CMC1: variants seen among roughly 807,000 people sequenced by gnomAD.
The protein encoded by CMC1 is C-X9-C motif containing 1.
In CMC1, 14 loss-of-function variants were observed where a neutral mutation model predicts 14.1. The ratio of observed to expected loss-of-function variants is 0.99; its 90% CI spans 0.66 to 1.55. The LOEUF (loss-of-function observed/expected upper bound fraction) is 1.55. Ranked by LOEUF, CMC1 falls within the 40% of genes most tolerant of loss-of-function variation. CMC1 has a pLI of 0.00. For missense variants in CMC1, 127 were observed against 123.8 expected (o/e 1.03, Z -0.12); for synonymous variants, 50 against 38.4 (o/e 1.30, Z -1.12).
chr3:28,323,831 T>C lies in CMC1; in HGVS notation c.*4202T>C, dbSNP rs1577116524. 2.2e-6 allele frequency: 1 copy of C among 444,814 alleles called. No homozygotes were observed. Among genetic ancestry groups the C allele is most frequent in the East Asian group, 3.3e-5 (1 of 30,666 alleles). The allele number at this position is 444,814 out of a possible 1,614,324, so 27.6% of individuals were successfully genotyped here. The stretch of plus-strand genomic sequence containing the variant: ...AATTAGTATAGTAGCATATTTCAGA[T>C]TCTTAGAATATGGAGCTAGAGGGTG... On this transcript the variant is annotated 3_prime_UTR_variant, in exon 4 of 4. Transcript: ENST00000466830.
intron 1 of CMC1, among the ~76,000 whole-genome samples, chr3:28,257,796 C>T (rs62250535): frequency 0.067 from 10,227 of 151,996 alleles, 470 homozygotes; most frequent in African/African-American, 0.12. Flanking sequence ...GGACTACAGG[C>T]GTGAGTGAGC....
chr3:28,286,687 A>C (rs1300118753), intron 2 of CMC1, among the ~76,000 whole-genome samples: 1 of 152,186 alleles, frequency 6.6e-6, no homozygotes, highest in South Asian at 2.1e-4. Context: ...TTTGTATTAG[A>C]GGAAAAGTTC....
rs1703282344 is a variant in CMC1, at chr3:28,324,010, T to C, written c.*4381T>C. On this transcript the variant is annotated 3_prime_UTR_variant, in exon 4 of 4. Transcript: ENST00000466830. Reference sequence around the variant, plus strand: ...GGAGGACCACTGAAAGAGATAAGTGTCCTCATGGTGAAATCGTGAATCTCT... The same window carrying C: ...GGAGGACCACTGAAAGAGATAAGTGCCCTCATGGTGAAATCGTGAATCTCT... 6.4e-7 allele frequency: 1 copy of C among 1,561,054 alleles called. No homozygotes were observed. Among genetic ancestry groups the C allele is most frequent in the Non-Finnish European group, 8.7e-7 (1 of 1,146,086 alleles).
At chr3:28,276,349 A>G (rs758738920) in intron 2 of CMC1, among the ~76,000 whole-genome samples, 8 of 152,186 alleles carry the variant, frequency 5.3e-5, no homozygotes, top group Non-Finnish European at 7.4e-5. Flanking sequence ...CTCATCTTTC[A>G]AGGTATAATT....
In CMC1 at chr3:28,278,751, A is replaced by T. The variant is rs77923815; in HGVS notation, c.109+15371A>T. ...TAAATTACCTATTCGGTATCAACTG[A>T]CTTGTTAATATAGCAGGACCATTAT... On this transcript the variant is annotated intron_variant, in intron 2 of 3. Coordinates refer to ENST00000466830, the MANE Select transcript of CMC1 (RefSeq NM_182523.2). Among the ~76,000 whole-genome samples, 1,444 of 152,334 alleles carry T rather than the reference A, an allele frequency of 9.5e-3. 22 individuals carry two copies. Among genetic ancestry groups the T allele is most frequent in the African/African-American group, 0.033 (1,375 of 41,582 alleles).
intron 1 of CMC1, among the ~76,000 whole-genome samples, chr3:28,244,460 G>T (rs1413437394): frequency 6.6e-6 from 1 of 152,212 alleles, no homozygotes; most frequent in African/African-American, 2.4e-5. Flanking sequence ...GGGCACCGTG[G>T]CTCATGCCCT....
chr3:28,274,212 G>GTTTTTTTTTT (rs376321066), intron 2 of CMC1, among the ~76,000 whole-genome samples: 1,610 of 87,386 alleles, frequency 0.018, 91 homozygotes, highest in Non-Finnish European at 0.025. Context: ...AAGTGTTTTT[G>GTTTTTTTTTT]TTTTTTTCTT....
chr3:28,251,847 A>G (rs1340057426), intron 1 of CMC1, among the ~76,000 whole-genome samples: 1 of 152,188 alleles, frequency 6.6e-6, no homozygotes, highest in Non-Finnish European at 1.5e-5. Context: ...AAATCAGGCA[A>G]TGTATTGCTA....
chr3:28,316,202 T>TA, intron 2 of CMC1, 131 bp from the exon 3 acceptor site: 1 of 541,034 alleles, frequency 1.8e-6, no homozygotes, highest in South Asian at 2.7e-5. Flanking sequence ...CAGTGAGCTA[T>TA]AATCATGCCA....
chr3:28,309,060 T>C (rs1702488957), intron 2 of CMC1, among the ~76,000 whole-genome samples: 1 of 151,958 alleles, frequency 6.6e-6, no homozygotes, highest in South Asian at 2.1e-4. Context: ...ATACTGAGGG[T>C]CAAATGCTTG....
intron 2 of CMC1, among the ~76,000 whole-genome samples, chr3:28,310,563 T>C (rs1702586743): frequency 6.6e-6 from 1 of 152,262 alleles, no homozygotes; most frequent in South Asian, 2.1e-4. Context: ...TTTTTCTTTT[T>C]CGTTCTACTT....
intron 2 of CMC1, among the ~76,000 whole-genome samples, chr3:28,305,704 T>C (rs1044613716): frequency 2.0e-5 from 3 of 151,998 alleles, no homozygotes; most frequent in Admixed American, 1.3e-4. Flanking sequence ...AATCTTCTTT[T>C]TGTTTCATTT....
chr3:28,255,616 A>C (rs1699359033), intron 1 of CMC1, among the ~76,000 whole-genome samples: 1 of 151,996 alleles, frequency 6.6e-6, no homozygotes, highest in Non-Finnish European at 1.5e-5. Flanking sequence ...CAAAGAGTTC[A>C]GCAAATTATG....
chr3:28,250,680 T>A lies in CMC1; in HGVS notation c.19+8868T>A, dbSNP rs1047690254. ...AGGTTTACATTGTAGGAAATTTAAG[T>A]TGGAATTGAGCTGCTGGTGGGACTT... On this transcript the variant is annotated intron_variant, in intron 1 of 3. Coordinates refer to ENST00000466830, the MANE Select transcript of CMC1 (RefSeq NM_182523.2). 2.0e-5 allele frequency among the ~76,000 whole-genome samples: 3 copies of A among 152,222 alleles called. No homozygotes were observed. In the East Asian group the frequency reaches 5.8e-4, roughly 29 times the overall value.
chr3:28,285,423 T>C (rs1444199746), intron 2 of CMC1, among the ~76,000 whole-genome samples: 1 of 151,948 alleles, frequency 6.6e-6, no homozygotes. Flanking sequence ...AAAAAACACA[T>C]GACTTTCTGT....
intron 1 of CMC1, among the ~76,000 whole-genome samples, chr3:28,247,662 T>C (rs1051876840): frequency 2.0e-5 from 3 of 152,238 alleles, no homozygotes; most frequent in Non-Finnish European, 4.4e-5. Context: ...CTGTTAGGAA[T>C]CTTAGTTGGA....
chr3:28,249,778 A>C (rs1460840756), intron 1 of CMC1, among the ~76,000 whole-genome samples: 1 of 151,940 alleles, frequency 6.6e-6, no homozygotes, highest in Non-Finnish European at 1.5e-5. Flanking sequence ...GACCCACACA[A>C]CATAGACTGG....
chr3:28,261,294 A>C (rs1209099216), intron 1 of CMC1, among the ~76,000 whole-genome samples: 1 of 151,996 alleles, frequency 6.6e-6, no homozygotes, highest in African/African-American at 2.4e-5. Context: ...TGGTTTTGTT[A>C]CCAAGAATAG....
chr3:28,315,565 C>T (rs1447971655), intron 2 of CMC1, among the ~76,000 whole-genome samples: 1 of 152,150 alleles, frequency 6.6e-6, no homozygotes, highest in Non-Finnish European at 1.5e-5. Context: ...AGAGACTAGA[C>T]AACAGATACC....
Sources: allele counts gnomAD v4.1 joint callset (sites outside exome capture counted in the v4.1 genomes callset), GRCh38; gene constraint gnomAD v4.1.1; transcripts MANE v1.5; gene names NCBI Gene and HGNC (gene_info 2026-07-23, HGNC 2026-07-21).